Variants in ZNHIT6 observed in about 807,000 individuals in gnomAD.
ZNHIT6 encodes the protein zinc finger HIT-type containing 6.
In ZNHIT6, 45 loss-of-function variants were observed where a neutral mutation model predicts 57.2. That is an observed-to-expected ratio of 0.79 (90% CI 0.62 to 1.01). ZNHIT6 has a LOEUF of 1.01. ZNHIT6 is among the 50% of genes least tolerant of loss of function. The pLI is 0.00. For missense variants in ZNHIT6, 528 were observed against 567.3 expected (o/e 0.93, Z 0.70); for synonymous variants, 188 against 190.0 (o/e 0.99, Z 0.09).
rs184044267 is a variant in ZNHIT6 at position 85,665,578 on chromosome 1, T to C, written c.1248-7607A>G. Among the ~76,000 whole-genome samples, 2 of 152,300 alleles carry C rather than the reference T, an allele frequency of 1.3e-5. 1 individual carries two copies. The highest frequency in any genetic ancestry group is 3.9e-4 in the East Asian group (2 of 5,180). ...CTCTTAGCAAATTTCAAGTATACAA[T>C]ACAGTATTGTTAATTATTTGTTTCT... On this transcript the variant is annotated intron_variant, in intron 8 of 9. Transcript: ENST00000370574.
At position 85,657,917 on chromosome 1, in the gene ZNHIT6, C is replaced by A. The variant is rs1243221394; in HGVS notation, c.1302G>T (p.Val434=). ...KSLLDNLRNK[V]IIEYPTLHVV... ...CATGTAATGTTGGATACTCAATGAT[C>A]ACTTTGTTCCTCAAATTGTCTAGGA... The change falls in exon 9 of 10, where the codon GTG becomes GTT. Residue 434 remains valine, a synonymous_variant. Transcript: ENST00000370574. 5.0e-6 allele frequency: 8 copies of A among 1,596,726 alleles called. No individual in the cohort carries two copies. The highest frequency in any genetic ancestry group is 6.0e-6 in the Non-Finnish European group (7 of 1,167,356).
chr1:85,655,990 CTA>C (rs1260127913), intron 9 of ZNHIT6, among the ~76,000 whole-genome samples: 1 of 152,168 alleles, frequency 6.6e-6, no homozygotes, highest in African/African-American at 2.4e-5. Context: ...ACAACTTGTA[CTA>C]TAAACTCAGG....
chr1:85,654,720 C>G (rs1252068449), intron 9 of ZNHIT6, among the ~76,000 whole-genome samples: 1 of 152,078 alleles, frequency 6.6e-6, no homozygotes, highest in Non-Finnish European at 1.5e-5. Flanking sequence ...AATCATTCTG[C>G]CTTTTAGTGT....
chr1:85,700,911 A>G (rs893378426), intron 5 of ZNHIT6, among the ~76,000 whole-genome samples: 1 of 152,008 alleles, frequency 6.6e-6, no homozygotes, highest in African/African-American at 2.4e-5. Context: ...TGCTCAAGGG[A>G]TGCTCCCACT....
At chr1:85,672,479 C>T (rs538397679) in intron 8 of ZNHIT6, among the ~76,000 whole-genome samples, 1 of 152,244 alleles carries the variant, frequency 6.6e-6, no homozygotes, top group South Asian at 2.1e-4. Flanking sequence ...ATACCATGCC[C>T]TTGCACTTCT....
chr1:85,666,955 A>G (rs1192970014), intron 8 of ZNHIT6, among the ~76,000 whole-genome samples: 1 of 152,218 alleles, frequency 6.6e-6, no homozygotes, highest in East Asian at 1.9e-4. Context: ...AACGTGGTCA[A>G]AAGTTAATGC....
intron 5 of ZNHIT6, among the ~76,000 whole-genome samples, chr1:85,692,540 G>GT (rs1429561728): frequency 4.6e-4 from 70 of 152,166 alleles, no homozygotes; most frequent in Non-Finnish European, 1.8e-4. Context: ...CTGTCAATCA[G>GT]TTGACAAGTC....
chr1:85,665,224 G>C (rs369263890), intron 8 of ZNHIT6, among the ~76,000 whole-genome samples: 2 of 151,804 alleles, frequency 1.3e-5, no homozygotes, highest in East Asian at 1.9e-4. Context: ...TTCTTTTTTT[G>C]CTCAATTTTA....
chr1:85,688,895 T>C (rs1662137784), intron 5 of ZNHIT6, among the ~76,000 whole-genome samples: 1 of 152,194 alleles, frequency 6.6e-6, no homozygotes, highest in Admixed American at 6.5e-5. Flanking sequence ...GTTGCTGTAA[T>C]TGAAGTCCAT....
intron 7 of ZNHIT6, 129 bp downstream of exon 7, chr1:85,678,572 T>C (rs1661772019): frequency 1.6e-6 from 1 of 634,550 alleles, no homozygotes; most frequent in Non-Finnish European, 2.7e-6. Flanking sequence ...AGACCTTCAG[T>C]AAACACCAAG....
intron 5 of ZNHIT6, among the ~76,000 whole-genome samples, chr1:85,687,310 A>AAAAAAAAAAAAAAT (rs1557861254): frequency 1.4e-5 from 2 of 143,588 alleles, no homozygotes; most frequent in African/African-American, 2.5e-5. Flanking sequence ...AAAAAAAAAA[A>AAAAAAAAAAAAAAT]ACAATTTAGA....
chr1:85,666,592 C>T (rs1661376681), intron 8 of ZNHIT6, among the ~76,000 whole-genome samples: 1 of 152,130 alleles, frequency 6.6e-6, no homozygotes, highest in African/African-American at 2.4e-5. Context: ...AATAGTTGAG[C>T]TTATATCTGT....
chr1:85,664,203 G>T (rs1002900470), intron 8 of ZNHIT6, among the ~76,000 whole-genome samples: 5 of 152,056 alleles, frequency 3.3e-5, no homozygotes, highest in Non-Finnish European at 4.4e-5. Flanking sequence ...CGTAGATTTG[G>T]CCTCTTTACA....
rs189493153 is a variant in ZNHIT6, at chr1:85,653,586, C to G, written c.*472G>C. 2 of 151,846 alleles carry G rather than the reference C, an allele frequency of 1.3e-5. No homozygotes were observed. The highest frequency in any genetic ancestry group is 3.9e-4 in the East Asian group (2 of 5,174). 9.4% of individuals were successfully genotyped at this position (151,846 alleles called of 1,614,324 possible). ...TTTGAGACCAGCCTGGGCGAAAGAG[C>G]GCAACCCTGTCTCTACCAAAAAAAA... On this transcript the variant is annotated 3_prime_UTR_variant, in exon 10 of 10. Coordinates refer to ENST00000370574, the MANE Select transcript of ZNHIT6 (RefSeq NM_017953.4).
intron 5 of ZNHIT6, among the ~76,000 whole-genome samples, chr1:85,687,108 A>T (rs1662066686): frequency 6.6e-6 from 1 of 151,206 alleles, no homozygotes; most frequent in African/African-American, 2.4e-5. Flanking sequence ...CACCTCTACT[A>T]AAAATACAAA....
chr1:85,670,258 G>A lies in ZNHIT6; in HGVS notation c.1247+6978C>T, dbSNP rs902581109. 6.1e-4 allele frequency among the ~76,000 whole-genome samples: 92 copies of A among 152,052 alleles called. 1 individual carries two copies. Among genetic ancestry groups the A allele is most frequent in the African/African-American group, 4.3e-4 (18 of 41,400 alleles). On this transcript the variant is annotated intron_variant, in intron 8 of 9. Coordinates refer to ENST00000370574, the MANE Select transcript of ZNHIT6 (RefSeq NM_017953.4). ...GACCATATTCTAGTCATGTCCATTC[G>A]TTTAAGTGGTCTATAGTTGCTTACG... is the stretch of plus-strand genomic sequence containing the variant.
rs147322821 is a variant in ZNHIT6 at position 85,665,925 on chromosome 1, T to C, written c.1248-7954A>G. Among the ~76,000 whole-genome samples, 624 of 152,318 alleles carry C rather than the reference T, an allele frequency of 4.1e-3. 7 individuals are homozygous for C. The highest frequency in any genetic ancestry group is 0.014 in the African/African-American group (600 of 41,566). On this transcript the variant is annotated intron_variant, in intron 8 of 9. Coordinates refer to ENST00000370574, the MANE Select transcript of ZNHIT6 (RefSeq NM_017953.4). ...GTCTTTTTTGTCTTCCAGTTAAGTATACTGAAGCCCTGAGAAGTTAAGTAT... is the reference window on the plus strand; with the variant it reads ...GTCTTTTTTGTCTTCCAGTTAAGTACACTGAAGCCCTGAGAAGTTAAGTAT...
At chr1:85,689,446 G>C (rs145376564) in intron 5 of ZNHIT6, among the ~76,000 whole-genome samples, 1 of 152,234 alleles carries the variant, frequency 6.6e-6, no homozygotes, top group Non-Finnish European at 1.5e-5. Context: ...TAAATGACTA[G>C]AATTTGGGAG....
At chr1:85,657,114 C>G (rs778785484) in intron 9 of ZNHIT6, among the ~76,000 whole-genome samples, 7 of 152,098 alleles carry the variant, frequency 4.6e-5, no homozygotes, top group African/African-American at 9.6e-5. Context: ...AAGGTAGTGA[C>G]TAAATTTTAC....
Sources: allele counts gnomAD v4.1 joint callset (sites outside exome capture counted in the v4.1 genomes callset), GRCh38; gene constraint gnomAD v4.1.1; transcripts MANE v1.5; gene names NCBI Gene and HGNC (gene_info 2026-07-23, HGNC 2026-07-21).